Variants in STRN observed in about 807,000 individuals in gnomAD.
STRN encodes striatin.
Under a neutral mutation model 96.3 loss-of-function variants are expected in STRN, and 53 were observed. That is an observed-to-expected ratio of 0.55 (90% CI 0.44 to 0.69). STRN has a LOEUF of 0.69. STRN is among the 30% of genes least tolerant of loss of function. The probability of loss-of-function intolerance (pLI) is 0.00; values close to 1 mark genes in which losing one functional copy is unlikely to be tolerated. For missense variants in STRN, 987 were observed against 963.9 expected, an observed-to-expected ratio of 1.02 and a Z score of -0.32; for synonymous variants, 428 against 355.9, an observed-to-expected ratio of 1.20 and a Z score of -2.28.
rs1426396355 is a variant in STRN at position 36,839,216 on chromosome 2, A to T, written c.*10240T>A. Among the ~76,000 whole-genome samples the T allele has an allele frequency of 6.6e-6, 1 of 152,076 alleles. No individual in the cohort carries two copies. Among genetic ancestry groups the T allele is most frequent in the African/African-American group, 2.4e-5 (1 of 41,412 alleles). On this transcript the variant is annotated 3_prime_UTR_variant, in exon 18 of 18. Coordinates refer to ENST00000263918, the MANE Select transcript of STRN (RefSeq NM_003162.4). ...CACTTTCTTAACCTGAAAAACATCA[A>T]ATCATCCCCCTTCCCTGCTCTATTT...
chr2:36,842,900 G>C lies in STRN; in HGVS notation c.*6556C>G, dbSNP rs1428734072. 6.6e-6 allele frequency among the ~76,000 whole-genome samples: 1 copy of C among 152,066 alleles called. No individual in the cohort carries two copies. The highest frequency in any genetic ancestry group is 2.4e-5 in the African/African-American group (1 of 41,398). ...CATGATTATAATGTTTAGGTTAAAA[G>C]GTATGCTTGACTCCCAAGGTGTTCT... On this transcript the variant is annotated 3_prime_UTR_variant, in exon 18 of 18. Transcript: ENST00000263918.
intron 3 of STRN, 109 bp downstream of exon 3, chr2:36,915,969 T>A: frequency 1.0e-6 from 1 of 959,946 alleles, no homozygotes; most frequent in Non-Finnish European, 1.6e-6. Context: ...TCAGAAAAAA[T>A]AACTAATACA....
intron 8 of STRN, among the ~76,000 whole-genome samples, chr2:36,884,698 C>G (rs1450045017): frequency 6.6e-6 from 1 of 152,016 alleles, no homozygotes; most frequent in Non-Finnish European, 1.5e-5. Flanking sequence ...TATTTTTAAG[C>G]AATTTTTACT....
At chr2:36,932,705 T>C (rs942859575) in intron 1 of STRN, among the ~76,000 whole-genome samples, 1 of 152,166 alleles carries the variant, frequency 6.6e-6, no homozygotes, top group East Asian at 1.9e-4. Context: ...CGGGCTCAAG[T>C]GATCCTTCTA....
intron 1 of STRN, among the ~76,000 whole-genome samples, chr2:36,935,609 T>G (rs1670681962): frequency 6.6e-6 from 1 of 152,240 alleles, no homozygotes; most frequent in Non-Finnish European, 1.5e-5. Flanking sequence ...AAGTGCCTAC[T>G]AAGTGCTTCC....
intron 1 of STRN, among the ~76,000 whole-genome samples, chr2:36,938,151 C>T (rs1214302196): frequency 9.2e-5 from 14 of 152,016 alleles, no homozygotes; most frequent in African/African-American, 4.8e-5. Flanking sequence ...ATTGGCCAGG[C>T]GTGGTGGCTC....
At chr2:36,902,021 G>A (rs1669696122) in intron 5 of STRN, among the ~76,000 whole-genome samples, 1 of 152,068 alleles carries the variant, frequency 6.6e-6, no homozygotes, top group African/African-American at 2.4e-5. Context: ...TTATTGAACT[G>A]TTTATGATTA....
chr2:36,923,704 C>G (rs187980506), intron 2 of STRN, among the ~76,000 whole-genome samples: 1 of 151,994 alleles, frequency 6.6e-6, no homozygotes, highest in African/African-American at 2.4e-5. Flanking sequence ...CTAATTGCAT[C>G]TAAATGCTAT....
At chr2:36,923,315 G>A (rs1670311280) in intron 2 of STRN, among the ~76,000 whole-genome samples, 1 of 151,430 alleles carries the variant, frequency 6.6e-6, no homozygotes, top group African/African-American at 2.4e-5. Flanking sequence ...GCCAGGCATG[G>A]TGGCATGCGC....
At chr2:36,905,680 C>T (rs1669801756) in intron 3 of STRN, 62 bp from the exon 4 acceptor site, 4 of 1,346,178 alleles carry the variant, frequency 3.0e-6, no homozygotes, top group African/African-American at 1.4e-5. Flanking sequence ...CATCTTAATT[C>T]ATTAATAACG....
In STRN at chr2:36,839,238, AT is replaced by A. The variant is rs934887093; in HGVS notation, c.*10217del. On this transcript the variant is annotated 3_prime_UTR_variant, in exon 18 of 18. Transcript: ENST00000263918. ...TCAAATCATCCCCCTTCCCTGCTCT[AT>A]TTTTTTTCCCTCTGCACTTATCACT... 6.6e-6 allele frequency among the ~76,000 whole-genome samples: 1 copy of A among 151,452 alleles called. No homozygotes were observed. Among genetic ancestry groups the A allele is most frequent in the African/African-American group, 2.4e-5 (1 of 41,184 alleles).
At chr2:36,944,066 G>C (rs1262774784) in intron 1 of STRN, among the ~76,000 whole-genome samples, 1 of 152,148 alleles carries the variant, frequency 6.6e-6, no homozygotes, top group Non-Finnish European at 1.5e-5. Context: ...GTTTCAGTGA[G>C]CCAAGATCTC....
At chr2:36,960,118 T>C (rs1013379072) in intron 1 of STRN, among the ~76,000 whole-genome samples, 14 of 152,182 alleles carry the variant, frequency 9.2e-5, no homozygotes, top group Non-Finnish European at 1.6e-4. Flanking sequence ...CTGCTCCACA[T>C]GTAAAGGAAG....
intron 3 of STRN, among the ~76,000 whole-genome samples, chr2:36,913,809 G>C (rs745502672): frequency 6.6e-6 from 1 of 152,202 alleles, no homozygotes; most frequent in Non-Finnish European, 1.5e-5. Flanking sequence ...ATAAACATTT[G>C]AGTTAGGAAG....
At chr2:36,863,090 T>C (rs2110944) in intron 12 of STRN, among the ~76,000 whole-genome samples, 63,032 of 152,034 alleles carry the variant, frequency 0.41, 14,988 homozygotes, top group Admixed American at 0.54. Context: ...GTCAGATTCA[T>C]AGTTTGCAAA....
At position 36,955,769 on chromosome 2, in the gene STRN, C is replaced by T. The variant is rs144295588; in HGVS notation, c.234+10461G>A. 2.6e-3 allele frequency among the ~76,000 whole-genome samples: 399 copies of T among 152,230 alleles called. 2 individuals are homozygous for T. Among genetic ancestry groups the T allele is most frequent in the Middle Eastern group, 6.8e-3 (2 of 294 alleles). On this transcript the variant is annotated intron_variant, in intron 1 of 17. Transcript: ENST00000263918. ...CCTCAAACCACTACAGATTGAGTAC[C>T]GCTTATATGAAATGCTCGGGACCAG... is the stretch of plus-strand genomic sequence containing the variant.
At chr2:36,852,404 G>A (rs971671046) in intron 15 of STRN, among the ~76,000 whole-genome samples, 1 of 152,138 alleles carries the variant, frequency 6.6e-6, no homozygotes, top group Non-Finnish European at 1.5e-5. Context: ...TCAGATAATA[G>A]TATTGTGTCA....
chr2:36,964,571 G>T (rs1381186085), intron 1 of STRN, among the ~76,000 whole-genome samples: 1 of 152,084 alleles, frequency 6.6e-6, no homozygotes, highest in Non-Finnish European at 1.5e-5. Context: ...ATAACAATAG[G>T]AATGAAAAAG....
At chr2:36,849,914 T>C in intron 16 of STRN, 114 bp from the exon 17 acceptor site, 1 of 963,530 alleles carries the variant, frequency 1.0e-6, no homozygotes, top group Non-Finnish European at 1.6e-6. Flanking sequence ...GCTTACTGTA[T>C]TAATAGCTTT....
Sources: allele counts gnomAD v4.1 joint callset (sites outside exome capture counted in the v4.1 genomes callset), GRCh38; gene constraint gnomAD v4.1.1; transcripts MANE v1.5; gene names NCBI Gene and HGNC (gene_info 2026-07-23, HGNC 2026-07-21).